Variants in SLIT1 observed in about 807,000 individuals in gnomAD.
The protein encoded by SLIT1 is slit guidance ligand 1, also known as slit homolog 1 protein.
Under a neutral mutation model 186.1 loss-of-function variants are expected in SLIT1, and 66 were observed. The ratio of observed to expected loss-of-function variants is 0.35; its 90% CI spans 0.29 to 0.44. The LOEUF (loss-of-function observed/expected upper bound fraction) is 0.44, where lower values mean the gene tolerates loss of function less well. Ranked by LOEUF, SLIT1 falls within the 20% of genes least tolerant of loss-of-function variation. The probability of loss-of-function intolerance (pLI) is 1.00; values close to 1 mark genes in which losing one functional copy is unlikely to be tolerated. For synonymous variants in SLIT1, 761 were observed against 833.8 expected (o/e 0.91, Z 1.50); for missense variants, 1,638 against 2,037.4 (o/e 0.80, Z 3.77).
intron 23 of SLIT1, among the ~76,000 whole-genome samples, chr10:97,033,950 C>T (rs996696795): frequency 1.3e-5 from 2 of 151,484 alleles, no homozygotes; most frequent in African/African-American, 4.9e-5. Flanking sequence ...CTGCAAGCTC[C>T]ACCTCCCAGG....
At chr10:97,148,501 A>G (rs1432050120) in intron 4 of SLIT1, among the ~76,000 whole-genome samples, 1 of 148,798 alleles carries the variant, frequency 6.7e-6, no homozygotes, top group Non-Finnish European at 1.5e-5. Flanking sequence ...GCTGGCCTCG[A>G]ACTCCTGGCC....
chr10:97,050,043 T>A (rs1848773773), intron 13 of SLIT1, among the ~76,000 whole-genome samples: 1 of 152,140 alleles, frequency 6.6e-6, no homozygotes, highest in Non-Finnish European at 1.5e-5. Context: ...TTCCTACACC[T>A]GTCCTGGCTC....
chr10:97,087,016 G>A (rs531019466), intron 4 of SLIT1, among the ~76,000 whole-genome samples: 42 of 151,936 alleles, frequency 2.8e-4, no homozygotes, highest in African/African-American at 9.7e-4. Context: ...TGGGGATGGG[G>A]TAAATTGGGA....
chr10:97,128,296 T>C (rs530390328), intron 4 of SLIT1, among the ~76,000 whole-genome samples: 1 of 152,228 alleles, frequency 6.6e-6, no homozygotes, highest in South Asian at 2.1e-4. Context: ...ACACAAACCT[T>C]TTGAACAAAT....
At chr10:97,117,749 C>T (rs1849522072) in intron 4 of SLIT1, among the ~76,000 whole-genome samples, 1 of 152,242 alleles carries the variant, frequency 6.6e-6, no homozygotes. Flanking sequence ...AGATCCACTT[C>T]TGGCTCTCCC....
At chr10:97,143,745 TTG>T (rs1404155176) in intron 4 of SLIT1, among the ~76,000 whole-genome samples, 1 of 152,166 alleles carries the variant, frequency 6.6e-6, no homozygotes, top group Non-Finnish European at 1.5e-5. Flanking sequence ...TGAAGAGTCT[TTG>T]TGAATATGAA....
In SLIT1 at chr10:97,184,808, G is replaced by T. The variant is rs545438698; in HGVS notation, c.197+670C>A. On this transcript the variant is annotated intron_variant, in intron 1 of 36. Transcript: ENST00000266058. The surrounding 1 kb of genome is among the most constrained non-coding windows in gnomAD (Gnocchi z 4.4). ...CCAAGACACACCTGCCCCTTTTCGG[G>T]TGCTGAATGTTACATACCCCAAGCC... Among the ~76,000 whole-genome samples the T allele has an allele frequency of 6.2e-4, 94 of 152,284 alleles. No individual in the cohort carries two copies. The highest frequency in any genetic ancestry group is 2.2e-3 in the African/African-American group (91 of 41,554).
At chr10:97,142,047 C>T (rs1226101185) in intron 4 of SLIT1, among the ~76,000 whole-genome samples, 1 of 152,136 alleles carries the variant, frequency 6.6e-6, no homozygotes, top group East Asian at 1.9e-4. Flanking sequence ...AAGCAATCCT[C>T]CCACGTGGGC....
intron 4 of SLIT1, among the ~76,000 whole-genome samples, chr10:97,142,311 G>GC (rs1296098954): frequency 1.3e-5 from 2 of 152,108 alleles, no homozygotes; most frequent in Non-Finnish European, 2.9e-5. Flanking sequence ...AGAATAGACA[G>GC]CCCAAAAACA....
intron 4 of SLIT1, among the ~76,000 whole-genome samples, chr10:97,151,796 C>T (rs1320648616): frequency 6.6e-6 from 1 of 152,140 alleles, no homozygotes; most frequent in Non-Finnish European, 1.5e-5. Flanking sequence ...AGTTGCTCAG[C>T]ATGAGCCTGG....
At chr10:97,145,721 T>C (rs1404436274) in intron 4 of SLIT1, among the ~76,000 whole-genome samples, 1 of 152,030 alleles carries the variant, frequency 6.6e-6, no homozygotes, top group South Asian at 2.1e-4. Context: ...TTTATCCCCC[T>C]CTCTCTACTC....
intron 1 of SLIT1, among the ~76,000 whole-genome samples, chr10:97,170,189 C>T (rs547746924): frequency 3.3e-5 from 5 of 152,360 alleles, no homozygotes; most frequent in Admixed American, 2.0e-4. Context: ...CCAGACCATC[C>T]GGCTTCAAAT....
intron 4 of SLIT1, among the ~76,000 whole-genome samples, chr10:97,078,745 G>T (rs531506951): frequency 6.6e-6 from 1 of 152,364 alleles, no homozygotes; most frequent in South Asian, 2.1e-4. Flanking sequence ...GGTGAATGAA[G>T]CAGGCAGAGG....
chr10:97,160,250 C>G (rs1174608920), intron 3 of SLIT1, among the ~76,000 whole-genome samples: 1 of 152,194 alleles, frequency 6.6e-6, no homozygotes, highest in Non-Finnish European at 1.5e-5. Flanking sequence ...ACTCCCAAAC[C>G]TGTTTATGCC....
At chr10:97,182,795 G>C (rs565890800) in intron 1 of SLIT1, among the ~76,000 whole-genome samples, 1 of 152,276 alleles carries the variant, frequency 6.6e-6, no homozygotes, top group African/African-American at 2.4e-5. Flanking sequence ...CCCATATCGG[G>C]CCAGGCATGC....
intron 4 of SLIT1, among the ~76,000 whole-genome samples, chr10:97,144,853 A>G (rs147652058): frequency 6.6e-6 from 1 of 152,338 alleles, no homozygotes; most frequent in East Asian, 1.9e-4. Context: ...CATAATCACA[A>G]TACCTGCACT....
chr10:97,059,556 G>A (rs369089743), intron 10 of SLIT1, 25 bp from the exon 11 acceptor site: 11 of 1,603,936 alleles, frequency 6.9e-6, no homozygotes, highest in Non-Finnish European at 9.4e-6. Flanking sequence ...GAAGGAGAGG[G>A]GGCATCTGAA....
chr10:97,104,750 C>T (rs1246525308), intron 4 of SLIT1, among the ~76,000 whole-genome samples: 1 of 152,150 alleles, frequency 6.6e-6, no homozygotes, highest in African/African-American at 2.4e-5. Context: ...CTCCTCTCAG[C>T]ACCTCCTGAA....
chr10:97,159,072 G>A (rs1849992409), intron 3 of SLIT1, among the ~76,000 whole-genome samples: 1 of 152,136 alleles, frequency 6.6e-6, no homozygotes, highest in Non-Finnish European at 1.5e-5. Flanking sequence ...TGTAGCCCCA[G>A]GGGTGTCTGA....
Sources: gnomAD v4.1 joint callset for allele counts (sites outside exome capture counted in the v4.1 genomes callset) on GRCh38, gnomAD v4.1.1 for gene constraint, Gnocchi (gnomAD v3.1) non-coding constraint, MANE v1.5 for transcripts, NCBI Gene and HGNC (gene_info 2026-07-23, HGNC 2026-07-21) for gene names.